KIZ: variants seen among roughly 807,000 people sequenced by gnomAD.
KIZ encodes the protein kizuna centrosomal protein, also known as centrosomal protein kizuna.
Under a neutral mutation model 79.6 loss-of-function variants are expected in KIZ, and 68 were observed. The ratio of observed to expected loss-of-function variants is 0.85; its 90% CI spans 0.70 to 1.05. The LOEUF is 1.05. Among genes scored for constraint, KIZ ranks in the 50% least tolerant of loss-of-function variants. The pLI is 0.00. For missense variants in KIZ, 797 were observed against 800.4 expected, an observed-to-expected ratio of 1.00 and a Z score of 0.05; for synonymous variants, 280 against 281.8, an observed-to-expected ratio of 0.99 and a Z score of 0.06.
chr20:21,233,471 A>T (rs538811272), intron 11 of KIZ, among the ~76,000 whole-genome samples: 4 of 152,356 alleles, frequency 2.6e-5, no homozygotes, highest in African/African-American at 9.6e-5. Flanking sequence ...CTTAGAATTT[A>T]TAGATGGGAA....
intron 4 of KIZ, among the ~76,000 whole-genome samples, chr20:21,153,635 G>C (rs2033229955): frequency 6.6e-6 from 1 of 152,088 alleles, no homozygotes; most frequent in African/African-American, 2.4e-5. Flanking sequence ...CCACAAACTG[G>C]GTGGCTTAAA....
At chr20:21,226,686 C>G (rs1039948774) in intron 9 of KIZ, among the ~76,000 whole-genome samples, 1 of 152,176 alleles carries the variant, frequency 6.6e-6, no homozygotes, top group Admixed American at 6.5e-5. Context: ...ATCTTTGTAC[C>G]TTTTAAACTT....
intron 6 of KIZ, among the ~76,000 whole-genome samples, chr20:21,167,134 T>C (rs1051331737): frequency 6.6e-6 from 1 of 152,214 alleles, no homozygotes; most frequent in African/African-American, 2.4e-5. Flanking sequence ...TGGTGAGACC[T>C]TGAGCAGATG....
chr20:21,230,987 G>A (rs1273507893), intron 10 of KIZ, among the ~76,000 whole-genome samples: 6 of 152,174 alleles, frequency 3.9e-5, no homozygotes, highest in South Asian at 4.1e-4. Context: ...GACTCCACAC[G>A]TCTGTTTCTG....
intron 12 of KIZ, 180 bp from the exon 13 acceptor site, chr20:21,246,299 T>C: frequency 1.7e-6 from 1 of 601,336 alleles, no homozygotes; most frequent in Non-Finnish European, 3.0e-6. Context: ...CTTTGCAATG[T>C]GTAATTTGTG....
chr20:21,164,284 G>C (rs1429975662), intron 6 of KIZ, among the ~76,000 whole-genome samples: 1 of 152,186 alleles, frequency 6.6e-6, no homozygotes, highest in Non-Finnish European at 1.5e-5. Context: ...TTAATTGATA[G>C]ATTGTATCCA....
At chr20:21,186,560 T>G (rs1339785456) in intron 6 of KIZ, among the ~76,000 whole-genome samples, 1 of 145,876 alleles carries the variant, frequency 6.9e-6, no homozygotes, top group Non-Finnish European at 1.5e-5. Context: ...CTCATTCATT[T>G]TATTATCTTC....
chr20:21,129,194 C>T (rs961651888), intron 1 of KIZ, among the ~76,000 whole-genome samples: 1 of 151,990 alleles, frequency 6.6e-6, no homozygotes, highest in Admixed American at 6.6e-5. Context: ...AGAAAATAGG[C>T]CTGTGAAGAA....
chr20:21,213,859 A>G (rs2036174214), intron 7 of KIZ: 1 of 152,240 alleles, frequency 6.6e-6, no homozygotes, highest in African/African-American at 2.4e-5. Flanking sequence ...TGCCTTTGAA[A>G]AAAGATAGGC....
rs375940856 is a variant in KIZ, at chr20:21,223,819, G to A, written c.1679-5192G>A. Among the ~76,000 whole-genome samples, 20 of 151,592 alleles carry A rather than the reference G, an allele frequency of 1.3e-4. No individual in the cohort carries two copies. The East Asian group carries it at 3.5e-3, about 27-fold the overall frequency. ...TGAGTAGCTAGGATTACAGGCGCCCGCCACCATGCCCAGCTAATTTTTGTA... is the reference window on the plus strand; with the variant it reads ...TGAGTAGCTAGGATTACAGGCGCCCACCACCATGCCCAGCTAATTTTTGTA... On this transcript the variant is annotated intron_variant, in intron 9 of 12. Transcript: ENST00000619189.
chr20:21,134,586 C>G (rs1029582043), intron 2 of KIZ, among the ~76,000 whole-genome samples: 2 of 152,112 alleles, frequency 1.3e-5, no homozygotes, highest in Middle Eastern at 3.4e-3. Context: ...GCTGTTCCCC[C>G]ACCTGGAATG....
chr20:21,197,141 C>T (rs2035375342), intron 6 of KIZ: 1 of 152,264 alleles, frequency 6.6e-6, no homozygotes. Context: ...AATCATGCAT[C>T]CCTCAAAATA....
chr20:21,170,760 G>A (rs1460753973), intron 6 of KIZ, among the ~76,000 whole-genome samples: 1 of 151,146 alleles, frequency 6.6e-6, no homozygotes, highest in Non-Finnish European at 1.5e-5. Context: ...ACTTCTCTCC[G>A]CCCCCGAACT....
intron 3 of KIZ, 142 bp downstream of exon 3, chr20:21,136,694 A>G: frequency 1.8e-6 from 1 of 558,622 alleles, no homozygotes; most frequent in Admixed American, 3.8e-5. Context: ...TAGCCTCCTG[A>G]GTAGCTGGGA....
At chr20:21,192,616 A>G (rs905375984) in intron 6 of KIZ, among the ~76,000 whole-genome samples, 3 of 152,214 alleles carry the variant, frequency 2.0e-5, no homozygotes, top group Non-Finnish European at 1.5e-5. Context: ...TGAAAAATGA[A>G]CTGACAAAAG....
intron 6 of KIZ, among the ~76,000 whole-genome samples, chr20:21,184,255 C>T (rs902106700): frequency 1.3e-5 from 2 of 150,974 alleles, no homozygotes; most frequent in African/African-American, 4.9e-5. Flanking sequence ...ACAAGTGATT[C>T]TCCTGCCTCA....
chr20:21,216,021 A>C (rs565610178), intron 9 of KIZ, among the ~76,000 whole-genome samples: 2 of 152,310 alleles, frequency 1.3e-5, no homozygotes, highest in South Asian at 4.1e-4. Flanking sequence ...TAGTAATTGC[A>C]TATGTATATT....
chr20:21,182,351 T>C (rs555845780), intron 6 of KIZ, among the ~76,000 whole-genome samples: 9 of 152,180 alleles, frequency 5.9e-5, no homozygotes, highest in Admixed American at 1.3e-4. Context: ...GAGACTCTCT[T>C]CTTGAGTCTC....
chr20:21,230,180 GGAT>G (rs1195382940), intron 10 of KIZ, among the ~76,000 whole-genome samples: 1 of 152,152 alleles, frequency 6.6e-6, no homozygotes, highest in Non-Finnish European at 1.5e-5. Flanking sequence ...GTTGTCTCAA[GGAT>G]GTCTTCTTCA....
Sources: allele counts gnomAD v4.1 joint callset (sites outside exome capture counted in the v4.1 genomes callset), GRCh38; gene constraint gnomAD v4.1.1; transcripts MANE v1.5; gene names NCBI Gene and HGNC (gene_info 2026-07-23, HGNC 2026-07-21).